The following B4GALT5 variants were observed in gnomAD, a reference collection of about 807,000 sequenced individuals.
The protein encoded by B4GALT5 is UDP-Gal:beta-GlcNAc beta-1,4-galactosyltransferase 5.
In B4GALT5, 11 loss-of-function variants were observed where a neutral mutation model predicts 45.0. The ratio of observed to expected loss-of-function variants is 0.24; its 90% CI spans 0.15 to 0.40. B4GALT5 has a LOEUF of 0.40. Among genes scored for constraint, B4GALT5 ranks in the 10% least tolerant of loss-of-function variants. The pLI, the probability that B4GALT5 is intolerant of heterozygous loss-of-function variation, is 1.00. For synonymous variants in B4GALT5, 185 were observed against 182.9 expected (o/e 1.01, Z -0.09); for missense variants, 337 against 500.2 (o/e 0.67, Z 3.11).
chr20:49,644,041 C>A lies in B4GALT5; in HGVS notation c.365-391G>T, dbSNP rs1024934780. On this transcript the variant is annotated intron_variant, in intron 3 of 8. Transcript: ENST00000371711. ...CCTCTGGGTTCAAGCAATTCTCCTG[C>A]CTCAGCCTCCTGAGTAGCTGCGGTT... Among the ~76,000 whole-genome samples the A allele has an allele frequency of 2.0e-5, 3 of 148,558 alleles. No homozygotes were observed. In the Admixed American group the frequency reaches 2.1e-4, roughly 10 times the overall value.
rs1416117301 is a variant in B4GALT5 at position 49,713,432 on chromosome 20, G to A, written c.115+144C>T. On this transcript the variant is annotated intron_variant, in intron 1 of 8. Transcript: ENST00000371711. ...AGGGCAGGAATGTCCTGGCGTCCCC[G>A]AGAGCCGGGCCAGGACTCCGGAGTC... 4 of 746,614 alleles carry A rather than the reference G, an allele frequency of 5.4e-6. No homozygotes were observed. In the Admixed American group the frequency reaches 9.8e-5, roughly 18 times the overall value. The allele number at this position is 746,614 out of a possible 1,614,324, so 46.2% of individuals were successfully genotyped here.
At chr20:49,713,451 C>T in intron 1 of B4GALT5, 125 bp downstream of exon 1, 1 of 922,542 alleles carries the variant, frequency 1.1e-6, no homozygotes, top group Non-Finnish European at 1.6e-6. Flanking sequence ...GCCAGGACTC[C>T]GGAGTCTTCG....
chr20:49,674,452 G>T (rs551883787), intron 1 of B4GALT5, among the ~76,000 whole-genome samples: 173 of 152,156 alleles, frequency 1.1e-3, no homozygotes, highest in African/African-American at 4.1e-3. Flanking sequence ...ATCAAGAACT[G>T]CATTTAGGGT....
chr20:49,678,690 C>G (rs1234517079), intron 1 of B4GALT5, among the ~76,000 whole-genome samples: 1 of 152,174 alleles, frequency 6.6e-6, no homozygotes, highest in African/African-American at 2.4e-5. Context: ...TAACACAAGC[C>G]TTAATCAATA....
At chr20:49,637,233 C>T in intron 8 of B4GALT5, 108 bp downstream of exon 8, 1 of 943,206 alleles carries the variant, frequency 1.1e-6, no homozygotes, top group Non-Finnish European at 1.7e-6. Context: ...GCTGTCAGAA[C>T]AGGGCCTCGG....
chr20:49,700,535 A>G (rs1001961813), intron 1 of B4GALT5, among the ~76,000 whole-genome samples: 1 of 151,898 alleles, frequency 6.6e-6, no homozygotes, highest in Non-Finnish European at 1.5e-5. Context: ...CCTGGGCTTA[A>G]GCGATCCTCC....
At chr20:49,643,499 C>G in intron 4 of B4GALT5, 27 bp downstream of exon 4, 1 of 1,612,598 alleles carries the variant, frequency 6.2e-7, no homozygotes, top group Middle Eastern at 1.7e-4. Flanking sequence ...GGCTTCTCAG[C>G]ATTTTGGCTG....
rs549744612 is a variant in B4GALT5, at chr20:49,656,475, G to A, written c.250+93C>T. 653 of 1,508,956 alleles carry A rather than the reference G, an allele frequency of 4.3e-4. 7 individuals are homozygous for A. Among genetic ancestry groups the A allele is most frequent in the South Asian group, 4.3e-3 (369 of 85,404 alleles). 93.5% of individuals were successfully genotyped at this position (1,508,956 alleles called of 1,614,324 possible). A position where few individuals can be genotyped will look rare whatever the true frequency, so the allele number is the denominator to read the frequency against. On this transcript the variant is annotated intron_variant, in intron 2 of 8. Coordinates refer to ENST00000371711, the MANE Select transcript of B4GALT5 (RefSeq NM_004776.4). ...CTCAGCCAAATCCCTCTTTTACAAT[G>A]CGCTTTTCCCATTGAAAATAATTAT...
At chr20:49,650,721 C>T (rs1221245442) in intron 2 of B4GALT5, among the ~76,000 whole-genome samples, 3 of 152,264 alleles carry the variant, frequency 2.0e-5, no homozygotes, top group South Asian at 2.1e-4. Flanking sequence ...TAATTGCTCA[C>T]GACCTGGTAA....
chr20:49,672,935 C>T (rs2146345058), intron 1 of B4GALT5, among the ~76,000 whole-genome samples: 1 of 152,294 alleles, frequency 6.6e-6, no homozygotes, highest in Middle Eastern at 3.4e-3. Context: ...CGTGCATTTA[C>T]AATGGAGAGA....
At chr20:49,646,719 G>A (rs2085600546) in intron 3 of B4GALT5, among the ~76,000 whole-genome samples, 3 of 152,172 alleles carry the variant, frequency 2.0e-5, no homozygotes, top group Admixed American at 2.0e-4. Flanking sequence ...CAGAACCCAA[G>A]TTACAAAGGA....
rs148129988 is a variant in B4GALT5 at position 49,651,543 on chromosome 20, C to T, written c.251-4465G>A. Among the ~76,000 whole-genome samples, 1,120 of 151,600 alleles carry T rather than the reference C, an allele frequency of 7.4e-3. 15 individuals carry two copies. Among genetic ancestry groups the T allele is most frequent in the African/African-American group, 0.026 (1,074 of 41,290 alleles). On this transcript the variant is annotated intron_variant, in intron 2 of 8. Coordinates refer to ENST00000371711, the MANE Select transcript of B4GALT5 (RefSeq NM_004776.4). ...GGCAGAGGTTGCAGCAAGCCAAGAT[C>T]GTGCCACTGCACTCCGGCCTGGGCA...
chr20:49,713,491 C>T, intron 1 of B4GALT5, 85 bp downstream of exon 1: 1 of 1,385,848 alleles, frequency 7.2e-7, no homozygotes, highest in Non-Finnish European at 9.8e-7. Flanking sequence ...GCCTCCCGGC[C>T]GGGGCCCCTT....
Position 49,634,590 on chromosome 20 carries a change from T to C in B4GALT5, c.*1722A>G, listed in dbSNP as rs911468099. The C allele has an allele frequency of 2.6e-5, 4 of 152,098 alleles. No homozygotes were observed. The highest frequency in any genetic ancestry group is 9.7e-5 in the African/African-American group (4 of 41,420). The allele number at this position is 152,098 out of a possible 1,614,324, so 9.4% of individuals were successfully genotyped here. ...AACATGACTTCAAGGCTGGGCGCAATGGCTCACACCCGCCCATAATCCCAG... is the reference window on the plus strand; with the variant it reads ...AACATGACTTCAAGGCTGGGCGCAACGGCTCACACCCGCCCATAATCCCAG... On this transcript the variant is annotated 3_prime_UTR_variant, in exon 9 of 9. Transcript: ENST00000371711.
chr20:49,649,225 G>A (rs1372936311), intron 2 of B4GALT5, among the ~76,000 whole-genome samples: 12 of 152,178 alleles, frequency 7.9e-5, no homozygotes, highest in Non-Finnish European at 2.9e-5. Flanking sequence ...TTCAGTAGTA[G>A]CTTTCCTGAA....
chr20:49,643,003 G>C (rs2085583291), intron 4 of B4GALT5, among the ~76,000 whole-genome samples: 1 of 152,228 alleles, frequency 6.6e-6, no homozygotes, highest in South Asian at 2.1e-4. Context: ...CAGATCTGCT[G>C]CATCAGCAGC....
intron 1 of B4GALT5, among the ~76,000 whole-genome samples, chr20:49,704,657 T>A (rs1464701778): frequency 6.7e-6 from 1 of 149,350 alleles, no homozygotes; most frequent in Middle Eastern, 3.2e-3. Flanking sequence ...AGGCGGAGCT[T>A]GCAGTGAGCC....
chr20:49,672,703 G>T (rs548898349), intron 1 of B4GALT5, among the ~76,000 whole-genome samples: 1 of 152,248 alleles, frequency 6.6e-6, no homozygotes, highest in East Asian at 1.9e-4. Flanking sequence ...ATGATTGATG[G>T]AAACTTGTAA....
At chr20:49,655,138 T>TAA (rs796463302) in intron 2 of B4GALT5, among the ~76,000 whole-genome samples, 1 of 134,848 alleles carries the variant, frequency 7.4e-6, no homozygotes, top group African/African-American at 2.8e-5. Context: ...CTCAAGAGAA[T>TAA]AAAAAAAAAA....
Sources: allele counts gnomAD v4.1 joint callset (sites outside exome capture counted in the v4.1 genomes callset), GRCh38; gene constraint gnomAD v4.1.1; transcripts MANE v1.5; gene names NCBI Gene and HGNC (gene_info 2026-07-23, HGNC 2026-07-21).